Variants in PXT1 observed in about 807,000 individuals in gnomAD.
The protein encoded by PXT1 is peroxisomal testis enriched protein 1, also known as peroxisomal testis-specific protein 1.
Under a neutral mutation model 11.0 loss-of-function variants are expected in PXT1, and 11 were observed. That is an observed-to-expected ratio of 1.00 (90% CI 0.63 to 1.66). The LOEUF (loss-of-function observed/expected upper bound fraction) is 1.66, where lower values mean the gene tolerates loss of function less well. Among genes scored for constraint, PXT1 ranks in the 40% most tolerant of loss-of-function variants. The pLI, the probability that PXT1 is intolerant of heterozygous loss-of-function variation, is 0.00. For missense variants in PXT1, 141 were observed against 155.5 expected (o/e 0.91, Z 0.49); for synonymous variants, 43 against 51.4 (o/e 0.84, Z 0.70).
In PXT1 at chr6:36,426,063, C is replaced by T. The variant is rs1561932482; in HGVS notation, c.20G>A (p.Gly7Asp). 5.3e-6 allele frequency: 8 copies of T among 1,510,546 alleles called. No individual in the cohort carries two copies. The highest frequency in any genetic ancestry group is 5.3e-6 in the Non-Finnish European group (6 of 1,135,160). 93.6% of individuals were successfully genotyped at this position (1,510,546 alleles called of 1,614,324 possible). A position where few individuals can be genotyped will look rare whatever the true frequency, so the allele number is the denominator to read the frequency against. ...AACTTCTTTAGTTTCATAAACAATGCCATCATGTTTTTTCTTCATGTTTTT... is the reference window on the plus strand; with the variant it reads ...AACTTCTTTAGTTTCATAAACAATGTCATCATGTTTTTTCTTCATGTTTTT... MKKKHD[G>D]IVYETKEVLN... The change falls in exon 3 of 5, where the codon GGC (glycine) becomes GAC (aspartate). Residue 7 changes from glycine to aspartate, a missense_variant. By Grantham distance (94) the Gly-to-Asp change is moderately conservative. Coordinates refer to ENST00000454782, the MANE Select transcript of PXT1 (RefSeq NM_152990.4).
chr6:36,398,519 G>C (rs533718857), intron 4 of PXT1, among the ~76,000 whole-genome samples: 1 of 152,098 alleles, frequency 6.6e-6, no homozygotes, highest in Non-Finnish European at 1.5e-5. Flanking sequence ...GTGGTATATC[G>C]TACAATAGAA....
At position 36,409,387 on chromosome 6, in the gene PXT1, T is replaced by G. The variant is rs532970973; in HGVS notation, c.170-8803A>C. On this transcript the variant is annotated intron_variant, in intron 3 of 4. Transcript: ENST00000454782. The stretch of plus-strand genomic sequence containing the variant: ...ACCCACCACAGGGGCTCCTGATGCT[T>G]GGAAGCCCATCTACCCCACCAAGAC... 3.9e-5 allele frequency among the ~76,000 whole-genome samples: 6 copies of G among 152,222 alleles called. No individual in the cohort carries two copies. In the South Asian group the frequency reaches 1.2e-3, roughly 32 times the overall value.
chr6:36,430,560 T>C (rs1774678261), intron 2 of PXT1, among the ~76,000 whole-genome samples: 1 of 152,126 alleles, frequency 6.6e-6, no homozygotes, highest in South Asian at 2.1e-4. Flanking sequence ...ACCCAAGGAA[T>C]GCAGGCAGCC....
At chr6:36,426,831 CAT>C (rs71699102) in intron 2 of PXT1, among the ~76,000 whole-genome samples, 64,611 of 151,268 alleles carry the variant, frequency 0.43, 15,084 homozygotes, top group African/African-American at 0.6. Flanking sequence ...CCTATTTCCT[CAT>C]GTGTGTGTGT....
chr6:36,408,344 C>T (rs1220536098), intron 3 of PXT1, among the ~76,000 whole-genome samples: 3 of 150,604 alleles, frequency 2.0e-5, no homozygotes, highest in African/African-American at 7.4e-5. Context: ...TCACAGCTCA[C>T]TGCAACCTGC....
chr6:36,404,653 T>TA (rs552096679), intron 3 of PXT1, among the ~76,000 whole-genome samples: 192 of 138,196 alleles, frequency 1.4e-3, no homozygotes, highest in African/African-American at 1.7e-3. Context: ...TTCTACTTAC[T>TA]AAAAAAAAAA....
chr6:36,396,586 G>A (rs560635041), intron 4 of PXT1, among the ~76,000 whole-genome samples: 1 of 152,334 alleles, frequency 6.6e-6, no homozygotes, highest in East Asian at 1.9e-4. Context: ...CTTCAGGCCA[G>A]GGAAGGCCTA....
chr6:36,392,415 T>C (rs1359220639), intron 4 of PXT1, among the ~76,000 whole-genome samples: 1 of 152,160 alleles, frequency 6.6e-6, no homozygotes, highest in Non-Finnish European at 1.5e-5. Context: ...CTGCCTGTAG[T>C]CCCAGCACTT....
chr6:36,398,213 A>G (rs1386442912), intron 4 of PXT1, among the ~76,000 whole-genome samples: 1 of 152,200 alleles, frequency 6.6e-6, no homozygotes, highest in Non-Finnish European at 1.5e-5. Context: ...TCAAAAAGAT[A>G]GTTAATAACA....
chr6:36,395,606 G>A (rs999918217), intron 4 of PXT1, among the ~76,000 whole-genome samples: 3 of 146,752 alleles, frequency 2.0e-5, no homozygotes, highest in South Asian at 2.2e-4. Context: ...AGGTTCAAGC[G>A]ATCCTCCTAC....
intron 3 of PXT1, among the ~76,000 whole-genome samples, chr6:36,405,839 C>T (rs913688230): frequency 3.3e-5 from 5 of 152,174 alleles, no homozygotes; most frequent in Admixed American, 6.5e-5. Context: ...CATTGTGTTA[C>T]AATTGCCTAC....
At chr6:36,405,579 T>C (rs932985695) in intron 3 of PXT1, among the ~76,000 whole-genome samples, 2 of 152,170 alleles carry the variant, frequency 1.3e-5, no homozygotes, top group African/African-American at 4.8e-5. Flanking sequence ...GGTTTCACCA[T>C]GTTAGCCAGG....
In PXT1 at chr6:36,390,797, CCA is replaced by C. The variant is rs1050574616; in HGVS notation, c.*971_*972del. 17 of 152,300 alleles carry C rather than the reference CCA, an allele frequency of 1.1e-4. No individual in the cohort carries two copies. Among genetic ancestry groups the C allele is most frequent in the African/African-American group, 3.6e-4 (15 of 41,546 alleles). The allele number at this position is 152,300 out of a possible 1,614,324, so 9.4% of individuals were successfully genotyped here. On this transcript the variant is annotated 3_prime_UTR_variant, in exon 5 of 5. Coordinates refer to ENST00000454782, the MANE Select transcript of PXT1 (RefSeq NM_152990.4). ...CAGGAGAGAATGAGTGAAATACATT[CCA>C]CAGGCAAAGGGCCCACCAACCAATA... is the stretch of plus-strand genomic sequence containing the variant.
chr6:36,409,281 G>A (rs1774333730), intron 3 of PXT1, among the ~76,000 whole-genome samples: 2 of 152,148 alleles, frequency 1.3e-5, no homozygotes, highest in African/African-American at 4.8e-5. Flanking sequence ...CAACAGATGA[G>A]AGACCTATGT....
intron 2 of PXT1, among the ~76,000 whole-genome samples, chr6:36,437,341 T>C (rs115562801): frequency 0.055 from 8,439 of 152,084 alleles, 319 homozygotes; most frequent in South Asian, 0.14. Context: ...GAGTCAGGTA[T>C]GTCAGACCTC....
intron 2 of PXT1, among the ~76,000 whole-genome samples, chr6:36,428,885 A>G (rs1366007055): frequency 6.6e-6 from 1 of 151,990 alleles, no homozygotes; most frequent in Non-Finnish European, 1.5e-5. Flanking sequence ...CGGACTCCCA[A>G]CCTCAGGTGA....
chr6:36,429,056 C>T (rs973410518), intron 2 of PXT1, among the ~76,000 whole-genome samples: 4 of 151,424 alleles, frequency 2.6e-5, no homozygotes, highest in African/African-American at 9.7e-5. Context: ...CACTTGAGCT[C>T]AGGAGTTTGA....
intron 2 of PXT1, among the ~76,000 whole-genome samples, chr6:36,433,936 A>C (rs765666539): frequency 1.8e-4 from 27 of 152,088 alleles, no homozygotes; most frequent in Non-Finnish European, 1.6e-4. Flanking sequence ...GTTCAGCAAA[A>C]TAGATAAATA....
chr6:36,400,229 T>C (rs1774194569), intron 4 of PXT1, among the ~76,000 whole-genome samples: 1 of 152,204 alleles, frequency 6.6e-6, no homozygotes, highest in Admixed American at 6.5e-5. Flanking sequence ...AATCAAGTGA[T>C]GCTGATGCTG....
Sources: gnomAD v4.1 joint callset for allele counts (sites outside exome capture counted in the v4.1 genomes callset) on GRCh38, gnomAD v4.1.1 for gene constraint, MANE v1.5 for transcripts, NCBI Gene and HGNC (gene_info 2026-07-23, HGNC 2026-07-21) for gene names.